Variants in DCDC1 observed in about 807,000 individuals in gnomAD.
DCDC1 encodes the protein doublecortin domain-containing protein 1.
DCDC1 carries 200 observed loss-of-function variants against 178.3 expected under a neutral mutation model. The observed-to-expected ratio is 1.12, with a 90% CI of 1.00 to 1.26. The LOEUF (loss-of-function observed/expected upper bound fraction) is 1.26. Ranked by LOEUF, DCDC1 falls within the 50% of genes most tolerant of loss-of-function variation. The pLI, the probability that DCDC1 is intolerant of heterozygous loss-of-function variation, is 0.00. For missense variants in DCDC1, 1,983 were observed against 1,749.2 expected (o/e 1.13, Z -2.38); for synonymous variants, 690 against 604.8 (o/e 1.14, Z -2.07).
chr11:31,314,933 C>T (rs529451969), intron 3 of DCDC1, among the ~76,000 whole-genome samples: 6 of 152,228 alleles, frequency 3.9e-5, no homozygotes, highest in Admixed American at 3.3e-4. Flanking sequence ...ATTATGCTTA[C>T]TCTCTGAGAT....
chr11:31,112,910 G>A (rs1959212866), intron 11 of DCDC1, among the ~76,000 whole-genome samples: 1 of 152,114 alleles, frequency 6.6e-6, no homozygotes, highest in South Asian at 2.1e-4. Flanking sequence ...AAGCATCAGT[G>A]AACTAAGATT....
rs117886489 is a variant in DCDC1, at chr11:31,082,868, C to T, written c.2238-4943G>A. Among the ~76,000 whole-genome samples the T allele has an allele frequency of 6.6e-4, 100 of 152,180 alleles. 1 individual carries two copies. In the East Asian group the frequency reaches 0.015, roughly 22 times the overall value. On this transcript the variant is annotated intron_variant, in intron 17 of 38. Coordinates refer to ENST00000684477, the MANE Select transcript of DCDC1 (RefSeq NM_001387274.1). ...CTACCCGGGCCAAAAGTAGAATGCA[C>T]GTAGAGGATGGGGAAAGTGATTTCC...
chr11:30,888,008 A>C (rs1369561099), intron 36 of DCDC1, among the ~76,000 whole-genome samples: 1 of 149,792 alleles, frequency 6.7e-6, no homozygotes, highest in Non-Finnish European at 1.5e-5. Context: ...CGTCAAAAAA[A>C]AAAAAGAAAG....
chr11:31,090,209 C>T (rs149321660), intron 17 of DCDC1, among the ~76,000 whole-genome samples: 489 of 152,280 alleles, frequency 3.2e-3, no homozygotes, highest in Admixed American at 8.4e-3. Flanking sequence ...CTAACATCTT[C>T]CTTTCCCATC....
At chr11:31,157,364 A>AT (rs1323783586) in intron 9 of DCDC1, among the ~76,000 whole-genome samples, 8 of 100,158 alleles carry the variant, frequency 8.0e-5, no homozygotes, top group Non-Finnish European at 1.8e-4. Flanking sequence ...TCAAAAAAAA[A>AT]AAAAAAAAAT....
chr11:31,066,819 G>A (rs1956278134), intron 18 of DCDC1, among the ~76,000 whole-genome samples: 1 of 152,110 alleles, frequency 6.6e-6, no homozygotes, highest in South Asian at 2.1e-4. Context: ...CAAACCCATA[G>A]AATGTGCACC....
intron 8 of DCDC1, among the ~76,000 whole-genome samples, chr11:31,243,160 A>T (rs975885879): frequency 7.9e-5 from 12 of 151,770 alleles, no homozygotes; most frequent in Non-Finnish European, 1.5e-4. Context: ...AAGCAATAAA[A>T]ATTAAAAGAT....
At chr11:30,940,556 C>G (rs1947569976) in intron 21 of DCDC1, among the ~76,000 whole-genome samples, 1 of 152,144 alleles carries the variant, frequency 6.6e-6, no homozygotes, top group African/African-American at 2.4e-5. Context: ...TTGGTTGTCT[C>G]AGTGATTGGC....
chr11:31,315,462 G>C (rs936401712), intron 3 of DCDC1, among the ~76,000 whole-genome samples: 2 of 150,794 alleles, frequency 1.3e-5, no homozygotes, highest in African/African-American at 4.9e-5. Context: ...TCAGCCTCCC[G>C]AGTAGCTGAG....
rs1014611121 is a variant in DCDC1 at position 31,307,672 on chromosome 11, T to C, written c.401A>G (p.Asn134Ser). The change falls in exon 4 of 39, where the codon AAC becomes AGC. Residue 134 changes from asparagine to serine, a missense_variant. Physicochemically the swap from Asn to Ser is conservative, Grantham distance 46. Coordinates refer to ENST00000684477, the MANE Select transcript of DCDC1 (RefSeq NM_001387274.1). ...NSCSISASKR[N>S]RPVSAPVGQL... is the part of the protein sequence containing the mutation. ...ACCCACTGGAGCACTGACAGGTCTG[T>C]TTCTCTTGGATGCTGATATAGAACA... 6.2e-7 allele frequency: 1 copy of C among 1,614,090 alleles called. No homozygotes were observed. Among genetic ancestry groups the C allele is most frequent in the Non-Finnish European group, 8.5e-7 (1 of 1,179,964 alleles).
intron 20 of DCDC1, among the ~76,000 whole-genome samples, chr11:31,014,595 T>C (rs1952370220): frequency 6.6e-6 from 1 of 152,180 alleles, no homozygotes; most frequent in Non-Finnish European, 1.5e-5. Context: ...AATTTTTATA[T>C]AGCAAGAACA....
chr11:30,882,727 A>G (rs1942799068), intron 36 of DCDC1: 1 of 152,188 alleles, frequency 6.6e-6, no homozygotes, highest in Non-Finnish European at 1.5e-5. Flanking sequence ...GGAAATATAA[A>G]TAGAAAAATC....
intron 23 of DCDC1, among the ~76,000 whole-genome samples, chr11:30,924,573 T>C (rs1252849543): frequency 4.6e-5 from 7 of 152,026 alleles, no homozygotes; most frequent in Non-Finnish European, 1.0e-4. Flanking sequence ...ATAGAGTGTA[T>C]GAAAAAAGTA....
At chr11:30,924,238 C>A (rs538516629) in intron 23 of DCDC1, among the ~76,000 whole-genome samples, 1 of 152,280 alleles carries the variant, frequency 6.6e-6, no homozygotes, top group South Asian at 2.1e-4. Context: ...AGCAAACAAA[C>A]AAAACACTTG....
chr11:30,989,738 G>C (rs1156620899), intron 20 of DCDC1, among the ~76,000 whole-genome samples: 1 of 151,994 alleles, frequency 6.6e-6, no homozygotes, highest in African/African-American at 2.4e-5. Context: ...ATATAATATT[G>C]TGCATTCAAG....
At chr11:31,085,839 G>A (rs1248284271) in intron 17 of DCDC1, among the ~76,000 whole-genome samples, 4 of 152,042 alleles carry the variant, frequency 2.6e-5, no homozygotes, top group African/African-American at 9.7e-5. Context: ...TCCTGAGTAG[G>A]TGAGACTACA....
intron 20 of DCDC1, among the ~76,000 whole-genome samples, chr11:30,964,503 G>A (rs79803596): frequency 0.022 from 3,275 of 152,074 alleles, 99 homozygotes; most frequent in African/African-American, 0.069. Context: ...TCATGACACC[G>A]CAGCATCCGT....
At chr11:30,894,106 A>G in intron 35 of DCDC1, 142 bp downstream of exon 35, 1 of 1,174,676 alleles carries the variant, frequency 8.5e-7, no homozygotes, top group Admixed American at 3.5e-5. Flanking sequence ...TGCCAACTCA[A>G]TGCTTGGCAT....
intron 9 of DCDC1, among the ~76,000 whole-genome samples, chr11:31,220,180 C>T (rs1974087025): frequency 6.6e-6 from 1 of 152,140 alleles, no homozygotes; most frequent in Non-Finnish European, 1.5e-5. Flanking sequence ...AAAATTCATA[C>T]CACAAAATAA....
Sources: gnomAD v4.1 joint callset for allele counts (sites outside exome capture counted in the v4.1 genomes callset) on GRCh38, gnomAD v4.1.1 for gene constraint, MANE v1.5 for transcripts, NCBI Gene and HGNC (gene_info 2026-07-23, HGNC 2026-07-21) for gene names.